Variants in STBD1 observed in about 807,000 individuals in gnomAD.
STBD1 encodes starch-binding domain-containing protein 1.
Under a neutral mutation model 10.5 loss-of-function variants are expected in STBD1, and 13 were observed. The ratio of observed to expected loss-of-function variants is 1.24; its 90% CI spans 0.81 to 1.97. STBD1 has a LOEUF of 1.97. Among genes scored for constraint, STBD1 ranks in the 30% most tolerant of loss-of-function variants. The probability of loss-of-function intolerance (pLI) is 0.00; values close to 1 mark genes in which losing one functional copy is unlikely to be tolerated. For missense variants in STBD1, 427 were observed against 435.6 expected (o/e 0.98, Z 0.17); for synonymous variants, 146 against 160.2 (o/e 0.91, Z 0.67).
At chr4:76,309,070 A>T in intron 1 of STBD1, 74 bp from the exon 2 acceptor site, 2 of 1,511,248 alleles carry the variant, frequency 1.3e-6, no homozygotes, top group Non-Finnish European at 1.8e-6. Context: ...CAGTAACTAA[A>T]TCTATTTTCT....
At chr4:76,308,257 A>C (rs1391904973) in intron 1 of STBD1, among the ~76,000 whole-genome samples, 2 of 131,974 alleles carry the variant, frequency 1.5e-5, no homozygotes, top group Admixed American at 1.8e-4. Context: ...TGGGTGACAG[A>C]GCGAGACTCC....
Position 76,306,775 on chromosome 4 carries a change from C to G in STBD1, c.6C>G (p.Gly2=), listed in dbSNP as rs1465728604. Residue 2 remains glycine (G), a synonymous_variant, in exon 1 of 2, where the codon GGC becomes GGG. Coordinates refer to ENST00000237642, the MANE Select transcript of STBD1 (RefSeq NM_003943.5). M[G]AVWSALLVGG... ...GCGGCCGCGGCCTCTCAGCCATGGG[C>G]GCCGTCTGGTCCGCCCTGCTGGTTG... is the stretch of plus-strand genomic sequence containing the variant. 6.2e-7 allele frequency: 1 copy of G among 1,610,900 alleles called. No individual in the cohort carries two copies. The highest frequency in any genetic ancestry group is 1.1e-5 in the South Asian group (1 of 90,876).
chr4:76,308,650 C>G (rs552707620), intron 1 of STBD1, among the ~76,000 whole-genome samples: 1 of 152,246 alleles, frequency 6.6e-6, no homozygotes, highest in East Asian at 1.9e-4. Flanking sequence ...GGTGACAGCT[C>G]CTGCTGATCT....
chr4:76,309,539 G>T lies in STBD1; in HGVS notation c.616G>T (p.Val206Leu). The T allele has an allele frequency of 2.5e-6, 4 of 1,614,244 alleles. No homozygotes were observed. The highest frequency in any genetic ancestry group is 3.4e-6 in the Non-Finnish European group (4 of 1,180,040). ...GGTTGACCACGAGGAGTGGGAAATG[G>T]TGCCTAGGCACTCATCTTGGGGGGA... Reference protein sequence around the residue: ...DRVDHEEWEMVPRHSSWGDVG... With the variant: ...DRVDHEEWEMLPRHSSWGDVG... Residue 206 changes from valine (V) to leucine (L), a missense_variant, in exon 2 of 2, where the codon GTG becomes TTG. Physicochemically the swap from Val to Leu is conservative, Grantham distance 32 (BLOSUM62 1). Transcript: ENST00000237642.
Position 76,309,370 on chromosome 4 carries a change from TATGGGAGA to T in STBD1, c.453_460del (p.Glu152IlefsTer10), listed in dbSNP as rs751370567. The stretch of plus-strand genomic sequence containing the variant: ...CAAGAAATGAAAGCCTTGAATCTCC[TATGGGAGA>T]ATGGGGATTCCAAAAAGGACAAGAG... On this transcript the variant is annotated frameshift_variant, in exon 2 of 2. Coordinates refer to ENST00000237642, the MANE Select transcript of STBD1 (RefSeq NM_003943.5). LOFTEE classifies it low-confidence loss of function (END_TRUNC). 2.5e-6 allele frequency: 4 copies of T among 1,613,518 alleles called. No homozygotes were observed. The highest frequency in any genetic ancestry group is 3.4e-6 in the Non-Finnish European group (4 of 1,179,830).
chr4:76,306,752 G>A lies in STBD1; in HGVS notation c.-18G>A, dbSNP rs1234788181. ...GGTCCCAGTCCCTGTAGTCTCCTGC[G>A]GCCGCGGCCTCTCAGCCATGGGCGC... On this transcript the variant is annotated 5_prime_UTR_variant, in exon 1 of 2. Coordinates refer to ENST00000237642, the MANE Select transcript of STBD1 (RefSeq NM_003943.5). The A allele has an allele frequency of 1.2e-6, 2 of 1,606,092 alleles. No homozygotes were observed. The highest frequency in any genetic ancestry group is 1.7e-6 in the Non-Finnish European group (2 of 1,178,828).
At chr4:76,307,291 GTGCAGTGCGGGCGGC>G (rs1718803325) in intron 1 of STBD1, among the ~76,000 whole-genome samples, 1 of 152,214 alleles carries the variant, frequency 6.6e-6, no homozygotes, top group South Asian at 2.1e-4. Context: ...GCGGCGCTTG[GTGCAGTGCGGGCGGC>G]TGCAGTGGCG....
chr4:76,309,876 T>C lies in STBD1; in HGVS notation c.953T>C (p.Val318Ala). ...SHSIFLPADT[V>A]VEWKFVLVEN... ...TCCATTTTCCTGCCTGCAGATACAGTGGTGGAGTGGAAGTTTGTGTTGGTA... is the reference window on the plus strand; with the variant it reads ...TCCATTTTCCTGCCTGCAGATACAGCGGTGGAGTGGAAGTTTGTGTTGGTA... Residue 318 changes from valine to alanine, a missense_variant, in exon 2 of 2, where the codon GTG becomes GCG. By Grantham distance (64) the Val-to-Ala change is moderately conservative (BLOSUM62 0). Transcript: ENST00000237642. 6.2e-7 allele frequency: 1 copy of C among 1,614,054 alleles called. No individual in the cohort carries two copies.
Position 76,310,376 on chromosome 4 carries a change from C to G in STBD1, c.*376C>G, listed in dbSNP as rs1718909386. ...ACGGAGCAAAAACATTAACCAGCTG[C>G]CCAGGGTTCAAGCTTGAGCCTTTAG... On this transcript the variant is annotated 3_prime_UTR_variant, in exon 2 of 2. Coordinates refer to ENST00000237642, the MANE Select transcript of STBD1 (RefSeq NM_003943.5). 5.1e-6 allele frequency: 1 copy of G among 194,832 alleles called. No individual in the cohort carries two copies. The highest frequency in any genetic ancestry group is 1.1e-5 in the Non-Finnish European group (1 of 94,364). The allele number at this position is 194,832 out of a possible 1,614,324, so 12.1% of individuals were successfully genotyped here. A position where few individuals can be genotyped will look rare whatever the true frequency, so the allele number is the denominator to read the frequency against.
At position 76,306,958 on chromosome 4, in the gene STBD1, A is replaced by G. The variant is rs1381114696; in HGVS notation, c.189A>G (p.Gly63=). The G allele has an allele frequency of 1.2e-6, 2 of 1,606,408 alleles. No individual in the cohort carries two copies. Among genetic ancestry groups the G allele is most frequent in the Admixed American group, 3.4e-5 (2 of 58,636 alleles). ...HQSGSSGLSP[G]PSGQELVTKP... ...GTGGCAGCAGCGGACTGAGCCCTGG[A>G]CCTTCCGGGCAGGAGCTGGTCACCA... Residue 63 remains glycine (G), a synonymous_variant, in exon 1 of 2, where the codon GGA becomes GGG. Transcript: ENST00000237642.
Position 76,309,793 on chromosome 4 carries a change from T to C in STBD1, c.870T>C (p.Leu290=). 1 of 1,614,184 alleles carries C rather than the reference T, an allele frequency of 6.2e-7. No individual in the cohort carries two copies. The highest frequency in any genetic ancestry group is 8.5e-7 in the Non-Finnish European group (1 of 1,180,028). Residue 290 remains leucine (L), a synonymous_variant, in exon 2 of 2, where the codon CTT becomes CTC. Coordinates refer to ENST00000237642, the MANE Select transcript of STBD1 (RefSeq NM_003943.5). ...CAGTAACTGGAGACCATGAGTGTCT[T>C]GGGAGATGGAACACTTACATCCCAC... The part of the protein sequence containing the change: ...FIAVTGDHEC[L]GRWNTYIPLH...
Position 76,306,755 on chromosome 4 carries a change from C to T in STBD1, c.-15C>T, listed in dbSNP as rs1718776963. 2 of 1,606,994 alleles carry T rather than the reference C, an allele frequency of 1.2e-6. No individual in the cohort carries two copies. The highest frequency in any genetic ancestry group is 1.3e-5 in the African/African-American group (1 of 74,914). ...CCCAGTCCCTGTAGTCTCCTGCGGC[C>T]GCGGCCTCTCAGCCATGGGCGCCGT... On this transcript the variant is annotated 5_prime_UTR_variant, in exon 1 of 2. Coordinates refer to ENST00000237642, the MANE Select transcript of STBD1 (RefSeq NM_003943.5).
chr4:76,309,427 T>G lies in STBD1; in HGVS notation c.504T>G (p.Cys168Trp), dbSNP rs757006405. Residue 168 changes from cysteine (C) to tryptophan (W), a missense_variant, in exon 2 of 2, where the codon TGT becomes TGG. Transcript: ENST00000237642. ...AGATATCTGCTAAAGCAGCTACATG[T>G]TTTGCAGAGAAGTTGCCTTCTAGCA... ...GQEISAKAAT[C>W]FAEKLPSSNL... is the part of the protein sequence containing the mutation. 10 of 1,614,200 alleles carry G rather than the reference T, an allele frequency of 6.2e-6. No individual in the cohort carries two copies. Among genetic ancestry groups the G allele is most frequent in the African/African-American group, 1.3e-5 (1 of 75,064 alleles).
chr4:76,309,108 A>C (rs780826598), intron 1 of STBD1, 36 bp from the exon 2 acceptor site: 22 of 1,532,358 alleles, frequency 1.4e-5, no homozygotes, highest in Non-Finnish European at 1.8e-5. Context: ...TAAATGAACT[A>C]CCTGACTCTA....
At position 76,309,364 on chromosome 4, in the gene STBD1, A is replaced by T; in HGVS notation, c.441A>T (p.Glu147Asp). The T allele has an allele frequency of 1.2e-6, 2 of 1,612,820 alleles. No homozygotes were observed. The highest frequency in any genetic ancestry group is 1.7e-6 in the Non-Finnish European group (2 of 1,179,670). The change falls in exon 2 of 2, where the codon GAA becomes GAT. Residue 147 changes from glutamate to aspartate, a missense_variant. Coordinates refer to ENST00000237642, the MANE Select transcript of STBD1 (RefSeq NM_003943.5). ...AAGTTTCAAGAAATGAAAGCCTTGA[A>T]TCTCCTATGGGAGAATGGGGATTCC... ...YSEVSRNESL[E>D]SPMGEWGFQK...
In STBD1 at chr4:76,309,328, G is replaced by A. The variant is rs138711771; in HGVS notation, c.405G>A (p.Arg135=). 2 of 1,613,218 alleles carry A rather than the reference G, an allele frequency of 1.2e-6. No individual in the cohort carries two copies. Among genetic ancestry groups the A allele is most frequent in the African/African-American group, 1.3e-5 (1 of 74,860 alleles). ...APATSETSNS[R]SYSEVSRNES... Reference sequence around the variant, plus strand: ...CTACCTCTGAGACCAGTAACTCTAGGAGTTACTCTGAAGTTTCAAGAAATG... The same window carrying A: ...CTACCTCTGAGACCAGTAACTCTAGAAGTTACTCTGAAGTTTCAAGAAATG... Residue 135 remains arginine (R), a synonymous_variant, in exon 2 of 2, where the codon AGG becomes AGA. Transcript: ENST00000237642.
At chr4:76,308,755 T>C (rs1490873616) in intron 1 of STBD1, among the ~76,000 whole-genome samples, 1 of 152,200 alleles carries the variant, frequency 6.6e-6, no homozygotes, top group Non-Finnish European at 1.5e-5. Context: ...ACGCAGCCCT[T>C]TGCCCCACAG....
chr4:76,309,506 C>G lies in STBD1; in HGVS notation c.583C>G (p.Gln195Glu). The part of the protein sequence containing the change: ...EEMSLSDLNS[Q>E]DRVDHEEWEM... Reference sequence around the variant, plus strand: ...AATGAGCCTCTCTGATTTGAACAGTCAGGACCGGGTTGACCACGAGGAGTG... The same window carrying G: ...AATGAGCCTCTCTGATTTGAACAGTGAGGACCGGGTTGACCACGAGGAGTG... The change falls in exon 2 of 2, where the codon CAG (glutamine) becomes GAG (glutamate). Residue 195 changes from glutamine to glutamate, a missense_variant. Coordinates refer to ENST00000237642, the MANE Select transcript of STBD1 (RefSeq NM_003943.5). 1 of 1,614,242 alleles carries G rather than the reference C, an allele frequency of 6.2e-7. No individual in the cohort carries two copies. Among genetic ancestry groups the G allele is most frequent in the Non-Finnish European group, 8.5e-7 (1 of 1,180,040 alleles).
rs1205221937 is a variant in STBD1, at chr4:76,309,197, A to G, written c.274A>G (p.Lys92Glu). The change falls in exon 2 of 2, where the codon AAA (lysine) becomes GAA (glutamate). Residue 92 changes from lysine (K) to glutamate (E), a missense_variant. Physicochemically the swap from Lys to Glu is moderately conservative, Grantham distance 56 (BLOSUM62 1). Coordinates refer to ENST00000237642, the MANE Select transcript of STBD1 (RefSeq NM_003943.5). Reference protein sequence around the residue: ...HLISKTKDLGKLQAASWRLQN... With the variant: ...HLISKTKDLGELQAASWRLQN... Reference sequence around the variant, plus strand: ...GATTTCTAAGACCAAAGACCTTGGTAAACTGCAAGCAGCATCATGGAGATT... The same window carrying G: ...GATTTCTAAGACCAAAGACCTTGGTGAACTGCAAGCAGCATCATGGAGATT... The G allele has an allele frequency of 6.2e-7, 1 of 1,608,290 alleles. No homozygotes were observed. Among genetic ancestry groups the G allele is most frequent in the Non-Finnish European group, 8.5e-7 (1 of 1,178,500 alleles).
Sources: allele counts gnomAD v4.1 joint callset (sites outside exome capture counted in the v4.1 genomes callset), GRCh38; gene constraint gnomAD v4.1.1; transcripts MANE v1.5; gene names NCBI Gene and HGNC (gene_info 2026-07-23, HGNC 2026-07-21).